Variants in KCNIP4 observed in about 807,000 individuals in gnomAD.
KCNIP4 encodes Kv channel-interacting protein 4.
KCNIP4 carries 12 observed loss-of-function variants against 34.0 expected under a neutral mutation model. That is an observed-to-expected ratio of 0.35 (90% CI 0.23 to 0.57). The LOEUF is 0.57. KCNIP4 is among the 20% of genes least tolerant of loss of function. KCNIP4 has a pLI of 0.83. For missense variants in KCNIP4, 238 were observed against 311.7 expected (o/e 0.76, Z 1.78); for synonymous variants, 124 against 102.2 (o/e 1.21, Z -1.29).
At chr4:20,983,902 G>T (rs1216006986) in intron 1 of KCNIP4, 4 of 1,536,072 alleles carry the variant, frequency 2.6e-6, no homozygotes, top group Non-Finnish European at 3.5e-6. Context: ...GCAGTCCTTC[G>T]GACTCCCACT....
At chr4:20,912,532 T>C (rs915666232) in intron 1 of KCNIP4, among the ~76,000 whole-genome samples, 1 of 152,026 alleles carries the variant, frequency 6.6e-6, no homozygotes, top group South Asian at 2.1e-4. Flanking sequence ...AACAAATAAA[T>C]TGAACATCGA....
chr4:20,979,580 A>G (rs1017516174), intron 1 of KCNIP4, among the ~76,000 whole-genome samples: 7 of 151,734 alleles, frequency 4.6e-5, no homozygotes, highest in Admixed American at 3.9e-4. Context: ...TTGTATTTTT[A>G]GTAGAGACAG....
At chr4:21,672,708 A>G (rs1749597392) in intron 1 of KCNIP4, among the ~76,000 whole-genome samples, 1 of 152,210 alleles carries the variant, frequency 6.6e-6, no homozygotes, top group Non-Finnish European at 1.5e-5. Flanking sequence ...GTAACAAATT[A>G]CCCTCAAAGT....
chr4:21,397,460 G>A (rs1213353138), intron 1 of KCNIP4, among the ~76,000 whole-genome samples: 3 of 152,096 alleles, frequency 2.0e-5, no homozygotes, highest in Non-Finnish European at 4.4e-5. Context: ...CTAGGTGATG[G>A]GTTGATAGGT....
At chr4:21,097,396 T>C (rs1448032474) in intron 1 of KCNIP4, among the ~76,000 whole-genome samples, 1 of 152,186 alleles carries the variant, frequency 6.6e-6, no homozygotes, top group Non-Finnish European at 1.5e-5. Flanking sequence ...TTATTGTGCC[T>C]TGCAGATACC....
At chr4:21,001,534 C>T (rs1738139609) in intron 1 of KCNIP4, among the ~76,000 whole-genome samples, 1 of 152,144 alleles carries the variant, frequency 6.6e-6, no homozygotes, top group African/African-American at 2.4e-5. Flanking sequence ...CCTACCTCCT[C>T]CTGTTTCCTG....
intron 1 of KCNIP4, among the ~76,000 whole-genome samples, chr4:20,984,318 G>A (rs375591141): frequency 6.6e-6 from 1 of 152,226 alleles, no homozygotes; most frequent in Non-Finnish European, 1.5e-5. Context: ...AGAACACCGC[G>A]CGCTTCCCTC....
intron 1 of KCNIP4, among the ~76,000 whole-genome samples, chr4:21,092,667 GT>G (rs1747104461): frequency 6.6e-6 from 1 of 152,134 alleles, no homozygotes; most frequent in African/African-American, 2.4e-5. Flanking sequence ...CAAATGATAT[GT>G]TTTCCTTTCC....
At chr4:21,720,532 T>TCTGTTTTTTTTC (rs1714745591) in intron 1 of KCNIP4, among the ~76,000 whole-genome samples, 1 of 40,088 alleles carries the variant, frequency 2.5e-5, no homozygotes, top group African/African-American at 3.1e-4. Context: ...TTTTTTTTCT[T>TCTGTTTTTTTTC]TTTTTTTTTT....
At chr4:21,194,736 T>C (rs962606986) in intron 1 of KCNIP4, among the ~76,000 whole-genome samples, 7 of 152,178 alleles carry the variant, frequency 4.6e-5, no homozygotes, top group African/African-American at 1.7e-4. Context: ...AAACTGGCAT[T>C]GGAGCTCATG....
At chr4:21,024,689 T>G (rs776233843) in intron 1 of KCNIP4, among the ~76,000 whole-genome samples, 9 of 152,224 alleles carry the variant, frequency 5.9e-5, no homozygotes, top group Non-Finnish European at 1.2e-4. Flanking sequence ...GAAAGTTTTC[T>G]TTAATGGTCT....
At chr4:21,484,361 A>G (rs539938416) in intron 1 of KCNIP4, among the ~76,000 whole-genome samples, 2 of 152,134 alleles carry the variant, frequency 1.3e-5, no homozygotes, top group South Asian at 4.1e-4. Context: ...TGGGAGGTGG[A>G]GGTTGCAGTG....
chr4:20,997,074 G>A (rs570293761), intron 1 of KCNIP4, among the ~76,000 whole-genome samples: 1 of 148,124 alleles, frequency 6.8e-6, no homozygotes, highest in Admixed American at 6.8e-5. Context: ...AGGATGGGGG[G>A]AAAACTACGA....
chr4:21,574,781 T>A (rs1469653356), intron 1 of KCNIP4, among the ~76,000 whole-genome samples: 1 of 152,132 alleles, frequency 6.6e-6, no homozygotes, highest in Non-Finnish European at 1.5e-5. Context: ...CAAAATAATG[T>A]CTTATGCCTA....
chr4:21,723,629 G>A (rs4495027), intron 1 of KCNIP4, among the ~76,000 whole-genome samples: 38,511 of 151,874 alleles, frequency 0.25, 6,590 homozygotes, highest in East Asian at 0.67. Flanking sequence ...TGTCACATGG[G>A]AGCTCAGTCA....
intron 1 of KCNIP4, among the ~76,000 whole-genome samples, chr4:20,935,765 A>T (rs1340984322): frequency 6.6e-6 from 1 of 152,268 alleles, no homozygotes; most frequent in African/African-American, 2.4e-5. Context: ...TGTGGCTTCC[A>T]TAAACATTTT....
intron 1 of KCNIP4, among the ~76,000 whole-genome samples, chr4:21,350,041 G>A (rs1034640951): frequency 1.3e-5 from 2 of 151,914 alleles, no homozygotes; most frequent in African/African-American, 4.8e-5. Context: ...TCAATAACAT[G>A]TACCTAAATG....
chr4:21,151,763 A>G (rs1209610264), intron 1 of KCNIP4, among the ~76,000 whole-genome samples: 1 of 152,022 alleles, frequency 6.6e-6, no homozygotes, highest in African/African-American at 2.4e-5. Context: ...GCTGTGAATG[A>G]ACTGAATGGT....
intron 4 of KCNIP4, among the ~76,000 whole-genome samples, chr4:20,756,039 C>T (rs949470202): frequency 7.9e-5 from 12 of 152,048 alleles, no homozygotes; most frequent in African/African-American, 1.4e-4. Context: ...TGCATTTTAA[C>T]GGGATCACTC....
Sources: gnomAD v4.1 joint callset for allele counts (sites outside exome capture counted in the v4.1 genomes callset) on GRCh38, gnomAD v4.1.1 for gene constraint, MANE v1.5 for transcripts, NCBI Gene and HGNC (gene_info 2026-07-23, HGNC 2026-07-21) for gene names.